PDE4D: variants seen among roughly 807,000 people sequenced by gnomAD.
The protein encoded by PDE4D is 3',5'-cyclic-AMP phosphodiesterase 4D.
A neutral mutation model predicts 87.4 loss-of-function variants in PDE4D; 24 were observed. That is an observed-to-expected ratio of 0.27 (90% CI 0.20 to 0.39). The LOEUF (loss-of-function observed/expected upper bound fraction) is 0.39, where lower values mean the gene tolerates loss of function less well. PDE4D is among the 10% of genes least tolerant of loss of function. PDE4D has a pLI of 1.00. For synonymous variants in PDE4D, 384 were observed against 383.2 expected (o/e 1.00, Z -0.02); for missense variants, 714 against 1,041.0 (o/e 0.69, Z 4.32).
intron 1 of PDE4D, among the ~76,000 whole-genome samples, chr5:59,539,270 C>A (rs767707674): frequency 1.2e-4 from 19 of 152,106 alleles, no homozygotes; most frequent in Non-Finnish European, 2.5e-4. Context: ...CCACAGAGTT[C>A]AGATTTTTGT....
chr5:60,228,567 G>T (rs1174310559), intron 1 of PDE4D, among the ~76,000 whole-genome samples: 1 of 151,980 alleles, frequency 6.6e-6, no homozygotes, highest in Admixed American at 6.6e-5. Context: ...TTGAATCTGG[G>T]TTGGCACTGT....
At chr5:60,256,286 T>C (rs945846535) in intron 1 of PDE4D, among the ~76,000 whole-genome samples, 1 of 151,932 alleles carries the variant, frequency 6.6e-6, no homozygotes, top group African/African-American at 2.4e-5. Context: ...ACCACTACTT[T>C]ATAATGGGTT....
Position 59,884,163 on chromosome 5 carries a change from C to G in PDE4D, c.455+9005G>C, listed in dbSNP as rs76311908. Reference sequence around the variant, plus strand: ...AGTTTGGTGGTTTTTCCTGCTTAGACAGAATATATATGTATTCTCTCTCTC... The same window carrying G: ...AGTTTGGTGGTTTTTCCTGCTTAGAGAGAATATATATGTATTCTCTCTCTC... On this transcript the variant is annotated intron_variant, in intron 1 of 14. Coordinates refer to ENST00000340635, the MANE Select transcript of PDE4D (RefSeq NM_001104631.2). 5.9e-3 allele frequency among the ~76,000 whole-genome samples: 902 copies of G among 152,016 alleles called. 10 individuals carry two copies. The highest frequency in any genetic ancestry group is 8.9e-3 in the Non-Finnish European group (602 of 67,894).
intron 5 of PDE4D, among the ~76,000 whole-genome samples, chr5:59,052,103 C>T (rs977114970): frequency 1.3e-5 from 2 of 152,172 alleles, no homozygotes; most frequent in African/African-American, 2.4e-5. Context: ...CTGAGAAAAT[C>T]AGACACATGA....
upstream of PDE4D, chr5:59,893,897 C>G: frequency 9.6e-7 from 1 of 1,037,970 alleles, no homozygotes; most frequent in Non-Finnish European, 1.2e-6. Context: ...GACTAGGGTG[C>G]GCGGTGCCCG....
chr5:60,351,970 T>G (rs1204106319), intron 1 of PDE4D, among the ~76,000 whole-genome samples: 3 of 140,582 alleles, frequency 2.1e-5, no homozygotes, highest in Non-Finnish European at 4.7e-5. Context: ...CACACCCGGC[T>G]TTTTTTTTTT....
rs762901040 is a variant in PDE4D, at chr5:59,215,803, G to A, written c.621C>T (p.Ser207=). The A allele has an allele frequency of 1.2e-6, 2 of 1,613,608 alleles. No individual in the cohort carries two copies. The highest frequency in any genetic ancestry group is 1.7e-6 in the Non-Finnish European group (2 of 1,179,668). Residue 207 remains serine (S), a synonymous_variant, in exon 2 of 15, where the codon TCC becomes TCT. Coordinates refer to ENST00000340635, the MANE Select transcript of PDE4D (RefSeq NM_001104631.2). The stretch of plus-strand genomic sequence containing the variant: ...TATCACTGGCAATGGAGGAGTTCCG[G>A]GACATAGACTTTGGAGAGAGGTCAT... ...SDYDLSPKSM[S]RNSSIASDIH...
chr5:59,370,348 A>G lies in PDE4D; in HGVS notation c.456-154380T>C, dbSNP rs181707595. Reference sequence around the variant, plus strand: ...TCCTCTCTTTATGGCCTCCTTTTCTATTCTCTTTCTTGCTTACTCAGTTCC... The same window carrying G: ...TCCTCTCTTTATGGCCTCCTTTTCTGTTCTCTTTCTTGCTTACTCAGTTCC... On this transcript the variant is annotated intron_variant, in intron 1 of 14. Transcript: ENST00000340635. Among the ~76,000 whole-genome samples, 324 of 151,980 alleles carry G rather than the reference A, an allele frequency of 2.1e-3. 2 individuals carry two copies. The highest frequency in any genetic ancestry group is 7.5e-3 in the African/African-American group (310 of 41,434).
intron 1 of PDE4D, among the ~76,000 whole-genome samples, chr5:59,774,804 C>T (rs567412400): frequency 2.0e-5 from 3 of 151,942 alleles, no homozygotes; most frequent in Admixed American, 1.3e-4. Context: ...TCTCCTGCCT[C>T]AGCCTCCTGA....
At chr5:58,978,672 A>G (rs548637023) in intron 11 of PDE4D, among the ~76,000 whole-genome samples, 12 of 152,148 alleles carry the variant, frequency 7.9e-5, no homozygotes, top group Non-Finnish European at 1.8e-4. Flanking sequence ...TTGCACACTT[A>G]AATTTCTGCT....
rs1452372071 is a variant in PDE4D at position 60,051,147 on chromosome 5, A to G, written c.43-62430T>C. Among the ~76,000 whole-genome samples the G allele has an allele frequency of 2.0e-5, 3 of 152,264 alleles. No homozygotes were observed. The East Asian group carries it at 5.8e-4, about 29-fold the overall frequency. On this transcript the variant is annotated intron_variant, in intron 2 of 16. Transcript: ENST00000502484. ...GACACATCATTGAGACAGAAAATTA[A>G]CAAGGATATTCAGGACTTGATCTCA...
chr5:59,775,363 G>GA (rs1018614271), intron 1 of PDE4D, among the ~76,000 whole-genome samples: 5 of 151,858 alleles, frequency 3.3e-5, no homozygotes, highest in African/African-American at 1.2e-4. Context: ...GAATTACTGA[G>GA]AAAAAAATAA....
intron 1 of PDE4D, among the ~76,000 whole-genome samples, chr5:59,419,163 C>T (rs1562151259): frequency 1.3e-5 from 2 of 152,274 alleles, no homozygotes; most frequent in East Asian, 3.9e-4. Flanking sequence ...CTTTCATGAC[C>T]TTATTTGTAA....
intron 1 of PDE4D, among the ~76,000 whole-genome samples, chr5:59,523,709 T>C (rs901168436): frequency 2.6e-5 from 4 of 152,238 alleles, no homozygotes; most frequent in African/African-American, 9.6e-5. Context: ...TGGTTCTGTG[T>C]CCTCAACCAA....
intron 1 of PDE4D, among the ~76,000 whole-genome samples, chr5:59,449,055 T>C (rs1415035870): frequency 1.3e-5 from 2 of 152,176 alleles, no homozygotes; most frequent in African/African-American, 4.8e-5. Flanking sequence ...CTGCTTCACA[T>C]ATGTGAGAGA....
At chr5:60,014,663 G>A (rs1765348942) in intron 2 of PDE4D, among the ~76,000 whole-genome samples, 1 of 152,190 alleles carries the variant, frequency 6.6e-6, no homozygotes, top group African/African-American at 2.4e-5. Context: ...TGGGGAAATA[G>A]CTTTCGCCCA....
chr5:59,159,538 AT>A (rs1185633107), intron 5 of PDE4D, among the ~76,000 whole-genome samples: 1 of 152,202 alleles, frequency 6.6e-6, no homozygotes, highest in Non-Finnish European at 1.5e-5. Flanking sequence ...AATTAAACAT[AT>A]TTTGGTTGAT....
intron 1 of PDE4D, among the ~76,000 whole-genome samples, chr5:60,202,321 C>A (rs773760642): frequency 2.0e-5 from 3 of 152,064 alleles, no homozygotes; most frequent in Non-Finnish European, 4.4e-5. Context: ...GGCCACCATA[C>A]TGGGCTAATT....
intron 1 of PDE4D, among the ~76,000 whole-genome samples, chr5:59,251,740 A>T (rs1759976186): frequency 6.6e-6 from 1 of 152,192 alleles, no homozygotes; most frequent in Non-Finnish European, 1.5e-5. Context: ...TGTTCATTCC[A>T]GCACTATTAA....
Sources: gnomAD v4.1 joint callset for allele counts (sites outside exome capture counted in the v4.1 genomes callset) on GRCh38, gnomAD v4.1.1 for gene constraint, MANE v1.5 for transcripts, NCBI Gene and HGNC (gene_info 2026-07-23, HGNC 2026-07-21) for gene names.